The following SPTBN5 variants were observed in gnomAD, a reference collection of about 807,000 sequenced individuals.
SPTBN5 encodes spectrin beta chain, non-erythrocytic 5.
In SPTBN5, 513 loss-of-function variants were observed where a neutral mutation model predicts 477.6. The ratio of observed to expected loss-of-function variants is 1.07; its 90% confidence interval spans 1.00 to 1.16. The LOEUF (loss-of-function observed/expected upper bound fraction) is 1.16. Among genes scored for constraint, SPTBN5 ranks in the 50% most tolerant of loss-of-function variants. The probability of loss-of-function intolerance (pLI) is 0.00; values close to 1 mark genes in which losing one functional copy is unlikely to be tolerated. For synonymous variants in SPTBN5, 2,169 were observed against 2,011.7 expected (o/e 1.08, Z -2.09); for missense variants, 5,062 against 4,731.8 (o/e 1.07, Z -2.05).
intron 29 of SPTBN5, among the ~76,000 whole-genome samples, chr15:41,871,169 A>T (rs1432364213): frequency 6.6e-6 from 1 of 152,192 alleles, no homozygotes; most frequent in Non-Finnish European, 1.5e-5. Context: ...CAGGACTCTG[A>T]CCTGCACACC....
chr15:41,851,426 G>T, intron 63 of SPTBN5, 57 bp from the exon 64 acceptor site: 2 of 1,221,172 alleles, frequency 1.6e-6, no homozygotes, highest in Non-Finnish European at 1.2e-6. Context: ...CAGAGCTAGG[G>T]CCTGTCCACG....
intron 59 of SPTBN5, 56 bp from the exon 60 acceptor site, chr15:41,853,056 A>T (rs2065825495): frequency 1.3e-5 from 19 of 1,460,852 alleles, no homozygotes; most frequent in Non-Finnish European, 1.7e-5. Context: ...CACCATGGGC[A>T]GGGCAGGGCT....
At chr15:41,884,272 C>T (rs2067079543) in intron 7 of SPTBN5, among the ~76,000 whole-genome samples, 1 of 152,212 alleles carries the variant, frequency 6.6e-6, no homozygotes, top group African/African-American at 2.4e-5. Context: ...AGGCATGAGC[C>T]ACTGCGCCCG....
rs200576078 is a variant in SPTBN5, at chr15:41,870,320, G to A, written c.5596C>T (p.Arg1866Trp). The A allele has an allele frequency of 1.3e-4, 201 of 1,566,462 alleles. 1 individual carries two copies. Among genetic ancestry groups the A allele is most frequent in the Admixed American group, 3.6e-4 (19 of 52,556 alleles). ...TGCGCCTCCAGCCCACACAGGTCCCGTGCCACATTGTTGGGGAGGCTCGTG... is the reference window on the plus strand; with the variant it reads ...TGCGCCTCCAGCCCACACAGGTCCCATGCCACATTGTTGGGGAGGCTCGTG... The part of the protein sequence containing the change: ...KATSLPNNVA[R>W]DLCGLEAQLR... Residue 1866 changes from arginine (R) to tryptophan (W), a missense_variant, in exon 31 of 68, where the codon CGG becomes TGG. Coordinates refer to ENST00000320955, the MANE Select transcript of SPTBN5 (RefSeq NM_016642.4).
At chr15:41,855,856 C>G (rs377109732) in intron 53 of SPTBN5, 111 bp from the exon 54 acceptor site, 7 of 1,182,832 alleles carry the variant, frequency 5.9e-6, no homozygotes, top group Non-Finnish European at 8.1e-6. Context: ...GGAGCTGTCA[C>G]GCTCCCTCAG....
intron 61 of SPTBN5, 57 bp downstream of exon 61, chr15:41,852,577 G>T: frequency 6.4e-7 from 1 of 1,557,826 alleles, no homozygotes; most frequent in Non-Finnish European, 8.9e-7. Flanking sequence ...CTGACTTGCA[G>T]GCTGAGAGGG....
chr15:41,850,939 C>T lies in SPTBN5; in HGVS notation c.10836G>A (p.Arg3612=), dbSNP rs940442214. ...ACAGGATCTCTGCCCCACTGGTCAG[C>T]CTGGCACCCACAGTCACAGGTCAAA... ...RHGRKHTFSL[R]LTSGAEILFA... Residue 3612 remains arginine (R), a splice_region_variant and synonymous_variant, in exon 66 of 68, where the codon AGG becomes AGA. Coordinates refer to ENST00000320955, the MANE Select transcript of SPTBN5 (RefSeq NM_016642.4). The T allele has an allele frequency of 3.2e-6, 5 of 1,562,826 alleles. No homozygotes were observed. Among genetic ancestry groups the T allele is most frequent in the Non-Finnish European group, 3.4e-6 (4 of 1,164,414 alleles).
rs559715695 is a variant in SPTBN5 at position 41,855,397 on chromosome 15, G to A, written c.9250C>T (p.Arg3084Trp). The A allele has an allele frequency of 3.8e-5, 61 of 1,604,200 alleles. No homozygotes were observed. Among genetic ancestry groups the A allele is most frequent in the East Asian group, 2.9e-4 (13 of 44,832 alleles). ...CGCAGCAGCTCTGCGTGGGCCTCCC[G>A]AACTGCCTGCAGCTGGGCTAGCACC... ...PKVLAQLQAVREAHAELLRRA... is the reference protein window; with the variant it reads ...PKVLAQLQAVWEAHAELLRRA... The change falls in exon 55 of 68, where the codon CGG becomes TGG. Residue 3084 changes from arginine to tryptophan, a missense_variant. Transcript: ENST00000320955.
intron 7 of SPTBN5, 25 bp from the exon 8 acceptor site, chr15:41,883,511 A>C (rs758810657): frequency 2.5e-6 from 4 of 1,609,792 alleles, no homozygotes; most frequent in Non-Finnish European, 2.5e-6. Context: ...AATAAGGGAG[A>C]TCTCCTCTGG....
At chr15:41,856,780 CAG>C (rs2065939768) in intron 52 of SPTBN5, 71 bp downstream of exon 52, 2 of 1,452,742 alleles carry the variant, frequency 1.4e-6, no homozygotes, top group African/African-American at 1.4e-5. Flanking sequence ...GGCTGGGCCA[CAG>C]AGAGTGCCAT....
Position 41,855,570 on chromosome 15 carries a change from T to A in SPTBN5, c.9197A>T (p.Glu3066Val). Residue 3066 changes from glutamate to valine, a missense_variant, in exon 54 of 68, where the codon GAG (glutamate) becomes GTG (valine). Transcript: ENST00000320955. ...ERLQQTAALL[E>V]SRKNPESPKV... The stretch of plus-strand genomic sequence containing the variant: ...CCACCTTTCTGGGTTCTTCCTGCTC[T>A]CCAGGAGTGCTGCTGTCTGCTGCAG... The A allele has an allele frequency of 6.2e-7, 1 of 1,612,020 alleles. No homozygotes were observed. The highest frequency in any genetic ancestry group is 8.5e-7 in the Non-Finnish European group (1 of 1,179,594).
chr15:41,870,307 C>G lies in SPTBN5; in HGVS notation c.5609G>C (p.Gly1870Ala), dbSNP rs772070427. The G allele has an allele frequency of 1.9e-6, 3 of 1,561,600 alleles. No homozygotes were observed. In the South Asian group the frequency reaches 3.5e-5, roughly 18 times the overall value. ...LPNNVARDLCGLEAQLRSHQG... is the reference protein window; with the variant it reads ...LPNNVARDLCALEAQLRSHQG... The stretch of plus-strand genomic sequence containing the variant: ...GTGGCTTCTCAGCTGCGCCTCCAGC[C>G]CACACAGGTCCCGTGCCACATTGTT... The change falls in exon 31 of 68, where the codon GGG becomes GCG. Residue 1870 changes from glycine (G) to alanine (A), a missense_variant. Physicochemically the swap from Gly to Ala is moderately conservative, Grantham distance 60 (BLOSUM62 0). Transcript: ENST00000320955.
At chr15:41,850,780 A>AT in intron 66 of SPTBN5, 74 bp downstream of exon 66, 1 of 1,338,548 alleles carries the variant, frequency 7.5e-7, no homozygotes, top group Non-Finnish European at 1.0e-6. Flanking sequence ...TAGGATGCAT[A>AT]AAACACTAGG....
chr15:41,892,420 C>T (rs2067340263), intron 3 of SPTBN5, among the ~76,000 whole-genome samples: 1 of 152,166 alleles, frequency 6.6e-6, no homozygotes, highest in African/African-American at 2.4e-5. Flanking sequence ...CTCTGCCTCC[C>T]CCCATTTGCT....
At chr15:41,854,007 G>C (rs1032983293) in intron 57 of SPTBN5, 43 bp downstream of exon 57, 14 of 1,524,524 alleles carry the variant, frequency 9.2e-6, no homozygotes, top group Admixed American at 8.0e-5. Context: ...CACCGCCTTC[G>C]GGCAGGGGCT....
At chr15:41,871,551 C>T (rs945184452) in intron 28 of SPTBN5, 31 bp from the exon 29 acceptor site, 5 of 1,441,614 alleles carry the variant, frequency 3.5e-6, no homozygotes, top group African/African-American at 2.9e-5. Context: ...GACAGGGTAG[C>T]CCCCAGCTGG....
rs778644152 is a variant in SPTBN5 at position 41,874,460 on chromosome 15, C to G, written c.4521G>C (p.Gly1507=). The G allele has an allele frequency of 6.2e-7, 1 of 1,609,364 alleles. No homozygotes were observed. Among genetic ancestry groups the G allele is most frequent in the Non-Finnish European group, 8.5e-7 (1 of 1,178,360 alleles). ...GCTGCAGGCCCCGGATGGCCAGATG[C>G]CCCTGCAGAAGCTCCAGCCTAGGAG... ...KHLRRLELLQ[G]HLAIRGLQLQ... Residue 1507 remains glycine, a synonymous_variant, in exon 24 of 68, where the codon GGG becomes GGC. Transcript: ENST00000320955.
In SPTBN5 at chr15:41,857,274, T is replaced by C. The variant is rs1456235; in HGVS notation, c.8585A>G (p.Gln2862Arg). 858,103 of 1,575,542 alleles carry C rather than the reference T, an allele frequency of 0.54. 244,655 individuals carry two copies. Among genetic ancestry groups the C allele is most frequent in the East Asian group, 0.96 (41,361 of 42,898 alleles). ...CCGCCGGGCCTGCTCTTCCACATCTTGGGCAAGGCAGTGGCCTTCCCTCAC... is the reference window on the plus strand; with the variant it reads ...CCGCCGGGCCTGCTCTTCCACATCTCGGGCAAGGCAGTGGCCTTCCCTCAC... Reference protein sequence around the residue: ...AFVREGHCLAQDVEEQARRLL... With the variant: ...AFVREGHCLARDVEEQARRLL... The change falls in exon 51 of 68, where the codon CAA (glutamine) becomes CGA (arginine). Residue 2862 changes from glutamine to arginine, a missense_variant. Transcript: ENST00000320955.
intron 41 of SPTBN5, 40 bp downstream of exon 41, chr15:41,863,664 T>C (rs757889822): frequency 6.5e-7 from 1 of 1,539,900 alleles, no homozygotes; most frequent in Admixed American, 1.7e-5. Flanking sequence ...CTGACTGCAT[T>C]TGCTCACAGC....
Sources: gnomAD v4.1 joint callset for allele counts (sites outside exome capture counted in the v4.1 genomes callset) on GRCh38, gnomAD v4.1.1 for gene constraint, MANE v1.5 for transcripts, NCBI Gene and HGNC (gene_info 2026-07-23, HGNC 2026-07-21) for gene names.